Variants in NRXN3 observed in about 807,000 individuals in gnomAD.
The protein encoded by NRXN3 is neurexin III.
In NRXN3, 32 loss-of-function variants were observed where a neutral mutation model predicts 137.6. The observed-to-expected ratio is 0.23, with a 90% CI of 0.18 to 0.31. NRXN3 has a LOEUF of 0.31. Among genes scored for constraint, NRXN3 ranks in the 10% least tolerant of loss-of-function variants. The pLI is 1.00. For missense variants in NRXN3, 1,574 were observed against 2,062.5 expected (o/e 0.76, Z 4.59); for synonymous variants, 798 against 784.5 (o/e 1.02, Z -0.29).
At chr14:78,654,011 A>G (rs1386404088) in intron 6 of NRXN3, among the ~76,000 whole-genome samples, 2 of 152,240 alleles carry the variant, frequency 1.3e-5, no homozygotes, top group Non-Finnish European at 2.9e-5. Flanking sequence ...TTTTCCCTGT[A>G]CAGCGTGATA....
intron 10 of NRXN3, among the ~76,000 whole-genome samples, chr14:78,834,437 A>G (rs2098990667): frequency 6.6e-6 from 1 of 152,130 alleles, no homozygotes; most frequent in South Asian, 2.1e-4. Context: ...GAAAGAATGC[A>G]AGTAATGGTC....
intron 15 of NRXN3, among the ~76,000 whole-genome samples, chr14:79,052,262 A>T (rs1468800094): frequency 6.6e-6 from 1 of 152,154 alleles, no homozygotes; most frequent in African/African-American, 2.4e-5. Flanking sequence ...AATCATGAAA[A>T]ATGTTTCTAG....
At position 79,486,790 on chromosome 14, in the gene NRXN3, T is replaced by C. The variant is rs181927830; in HGVS notation, c.3444+19388T>C. ...CTCAGGAAAATGGGGACTGAGGTCC[T>C]GAATGAATGATGAAGAAGGAGAGGG... On this transcript the variant is annotated intron_variant, in intron 16 of 20. Transcript: ENST00000335750. Among the ~76,000 whole-genome samples, 1,093 of 152,316 alleles carry C rather than the reference T, an allele frequency of 7.2e-3. 9 individuals carry two copies. Among genetic ancestry groups the C allele is most frequent in the South Asian group, 0.029 (139 of 4,822 alleles).
intron 10 of NRXN3, among the ~76,000 whole-genome samples, chr14:78,810,943 C>T (rs1212125370): frequency 6.6e-6 from 1 of 152,084 alleles, no homozygotes; most frequent in East Asian, 1.9e-4. Context: ...ATTCAGATAC[C>T]CTAGTTCTTG....
At chr14:78,825,585 G>A (rs1239927955) in intron 10 of NRXN3, among the ~76,000 whole-genome samples, 1 of 152,220 alleles carries the variant, frequency 6.6e-6, no homozygotes, top group Admixed American at 6.5e-5. Context: ...TTATAGCCTT[G>A]TGCCTCACGG....
At chr14:78,698,309 T>C (rs2098247121) in intron 6 of NRXN3, 1 of 152,094 alleles carries the variant, frequency 6.6e-6, no homozygotes, top group Non-Finnish European at 1.5e-5. Context: ...CATTGAATGC[T>C]TTTACAGTAT....
intron 4 of NRXN3, among the ~76,000 whole-genome samples, chr14:78,582,891 A>G (rs543395049): frequency 1.3e-5 from 2 of 152,344 alleles, no homozygotes; most frequent in South Asian, 4.1e-4. Flanking sequence ...TGTTCTGCAG[A>G]GTTAACAACC....
intron 19 of NRXN3, among the ~76,000 whole-genome samples, chr14:79,774,765 G>A (rs954355905): frequency 6.6e-6 from 1 of 152,164 alleles, no homozygotes; most frequent in Non-Finnish European, 1.5e-5. Context: ...CATTCAGGCA[G>A]TGCTAAGTAG....
chr14:79,178,251 A>G (rs574771838), intron 15 of NRXN3, among the ~76,000 whole-genome samples: 3 of 152,320 alleles, frequency 2.0e-5, no homozygotes, highest in South Asian at 2.1e-4. Flanking sequence ...CAATACTTAC[A>G]TGCAATTTTT....
At chr14:79,363,791 G>T (rs755008047) in intron 15 of NRXN3, among the ~76,000 whole-genome samples, 1 of 152,144 alleles carries the variant, frequency 6.6e-6, no homozygotes, top group Non-Finnish European at 1.5e-5. Flanking sequence ...TAGGGAGCTT[G>T]CAACAATAGA....
intron 1 of NRXN3, among the ~76,000 whole-genome samples, chr14:78,234,964 C>T (rs1174824513): frequency 2.3e-5 from 3 of 131,482 alleles, no homozygotes; most frequent in African/African-American, 8.2e-5. Context: ...TCTAAAATTA[C>T]ATTTGATTAT....
intron 6 of NRXN3, among the ~76,000 whole-genome samples, chr14:78,677,984 A>T (rs1173606986): frequency 6.6e-6 from 1 of 152,168 alleles, no homozygotes; most frequent in African/African-American, 2.4e-5. Flanking sequence ...TAATGCTATT[A>T]CACACTTAAT....
intron 16 of NRXN3, among the ~76,000 whole-genome samples, chr14:79,483,083 A>G (rs1460113248): frequency 3.3e-5 from 5 of 152,190 alleles, no homozygotes; most frequent in Non-Finnish European, 5.9e-5. Context: ...CTAGGGGAAA[A>G]CTATAGAAGT....
chr14:78,374,887 TC>T (rs1252113792), intron 4 of NRXN3, among the ~76,000 whole-genome samples: 1 of 151,886 alleles, frequency 6.6e-6, no homozygotes, highest in Admixed American at 6.6e-5. Flanking sequence ...ATAATCACAA[TC>T]ACCACTGATT....
intron 4 of NRXN3, among the ~76,000 whole-genome samples, chr14:78,481,789 C>A (rs1197012724): frequency 6.6e-6 from 1 of 152,116 alleles, no homozygotes; most frequent in Non-Finnish European, 1.5e-5. Flanking sequence ...GAAAGGATAT[C>A]CCCTCCTACA....
At chr14:78,236,802 G>A (rs186143843) in intron 1 of NRXN3, among the ~76,000 whole-genome samples, 63 of 147,524 alleles carry the variant, frequency 4.3e-4, no homozygotes, top group African/African-American at 1.5e-3. Flanking sequence ...AGGAATGAGA[G>A]TCTGGGTTTA....
Position 79,831,717 on chromosome 14 carries a change from C to T in NRXN3, c.4093+26527C>T, listed in dbSNP as rs533080439. 3.9e-5 allele frequency among the ~76,000 whole-genome samples: 6 copies of T among 152,296 alleles called. No individual in the cohort carries two copies. The South Asian group carries it at 1.2e-3, about 32-fold the overall frequency. Reference sequence around the variant, plus strand: ...GAACTGATCATCTGGCTGCTGGCAACATTCCACTGCAACAGCTAATACAGT... The same window carrying T: ...GAACTGATCATCTGGCTGCTGGCAATATTCCACTGCAACAGCTAATACAGT... On this transcript the variant is annotated intron_variant, in intron 20 of 20. Transcript: ENST00000335750.
At position 78,439,108 on chromosome 14, in the gene NRXN3, T is replaced by A. The variant is rs75807853; in HGVS notation, c.757+141248T>A. Among the ~76,000 whole-genome samples the A allele has an allele frequency of 6.3e-3, 957 of 152,152 alleles. 10 individuals are homozygous for A. Among genetic ancestry groups the A allele is most frequent in the African/African-American group, 0.022 (901 of 41,504 alleles). ...GGTTGTTTGTAGGATAAGTGGGGCT[T>A]GATCATGTTTGTAGGGAGAGGGAAC... On this transcript the variant is annotated intron_variant, in intron 4 of 20. Transcript: ENST00000335750.
chr14:78,837,198 T>C (rs769621360), intron 10 of NRXN3, among the ~76,000 whole-genome samples: 1 of 152,222 alleles, frequency 6.6e-6, no homozygotes, highest in Non-Finnish European at 1.5e-5. Context: ...ATTACAGCAT[T>C]ACTATCCTTA....
Sources: allele counts gnomAD v4.1 joint callset (sites outside exome capture counted in the v4.1 genomes callset), GRCh38; gene constraint gnomAD v4.1.1; transcripts MANE v1.5; gene names NCBI Gene and HGNC (gene_info 2026-07-23, HGNC 2026-07-21).